The following INPP5D variants were observed in gnomAD, a reference collection of about 807,000 sequenced individuals.
INPP5D encodes the protein inositol polyphosphate-5-phosphatase D.
INPP5D carries 33 observed loss-of-function variants against 122.9 expected under a neutral mutation model. The ratio of observed to expected loss-of-function variants is 0.27; its 90% CI spans 0.20 to 0.36. The LOEUF is 0.36. INPP5D is among the 10% of genes least tolerant of loss of function. INPP5D has a pLI of 1.00. For missense variants in INPP5D, 1,053 were observed against 1,412.7 expected (o/e 0.75, Z 4.08); for synonymous variants, 584 against 576.2 (o/e 1.01, Z -0.19).
At chr2:233,093,934 GC>G (rs1173156538) in intron 2 of INPP5D, among the ~76,000 whole-genome samples, 1 of 152,012 alleles carries the variant, frequency 6.6e-6, no homozygotes, top group Non-Finnish European at 1.5e-5. Flanking sequence ...CCCTTCTTCT[GC>G]CTCCTGGCCC....
chr2:233,096,740 A>T (rs1278497956), intron 2 of INPP5D, among the ~76,000 whole-genome samples: 2 of 151,592 alleles, frequency 1.3e-5, no homozygotes, highest in Non-Finnish European at 2.9e-5. Flanking sequence ...TTCTTTTTCC[A>T]TTTTTTCCTT....
chr2:233,147,799 G>A (rs144125196), intron 9 of INPP5D, among the ~76,000 whole-genome samples: 3,351 of 152,192 alleles, frequency 0.022, 126 homozygotes, highest in African/African-American at 0.077. Context: ...TCAGTGCCGG[G>A]CACAAAGCCT....
intron 19 of INPP5D, among the ~76,000 whole-genome samples, 180 bp downstream of exon 19, chr2:233,182,679 T>G (rs898369891): frequency 6.6e-6 from 1 of 152,174 alleles, no homozygotes; most frequent in Non-Finnish European, 1.5e-5. Flanking sequence ...CCAGAGAATT[T>G]ACTTGCTCTG....
At chr2:233,182,347 A>G (rs1694804564) in intron 18 of INPP5D, 63 bp from the exon 19 acceptor site, 1 of 1,600,782 alleles carries the variant, frequency 6.2e-7, no homozygotes, top group Non-Finnish European at 8.5e-7. Flanking sequence ...TAGGGTTGCC[A>G]TCCTTGGCCT....
At chr2:233,086,571 C>A (rs894764073) in intron 2 of INPP5D, among the ~76,000 whole-genome samples, 1 of 152,024 alleles carries the variant, frequency 6.6e-6, no homozygotes, top group Non-Finnish European at 1.5e-5. Context: ...AGGTAGCTGG[C>A]GAGTGAGGCC....
chr2:233,165,227 G>C (rs948374111), intron 13 of INPP5D, among the ~76,000 whole-genome samples: 1 of 152,124 alleles, frequency 6.6e-6, no homozygotes, highest in Non-Finnish European at 1.5e-5. Flanking sequence ...ATGTGTGAGC[G>C]TACCACCCCA....
At chr2:233,175,217 CAAAAAAAAAAA>C (rs1220185296) in intron 17 of INPP5D, among the ~76,000 whole-genome samples, 1 of 68,616 alleles carries the variant, frequency 1.5e-5, no homozygotes, top group Admixed American at 2.1e-4. Context: ...GACTCCATCT[CAAAAAAAAAAA>C]AAAAAAAAAA....
intron 14 of INPP5D, 163 bp downstream of exon 14, chr2:233,169,564 G>A: frequency 9.2e-7 from 1 of 1,084,854 alleles, no homozygotes; most frequent in South Asian, 1.7e-5. Flanking sequence ...GGCAACTGCA[G>A]CACCATAGTG....
At chr2:233,111,358 A>G (rs1163612336) in intron 2 of INPP5D, among the ~76,000 whole-genome samples, 1 of 152,170 alleles carries the variant, frequency 6.6e-6, no homozygotes, top group Non-Finnish European at 1.5e-5. Flanking sequence ...TTATACACAC[A>G]CACACACGCA....
At chr2:233,081,932 A>G (rs1330950575) in intron 2 of INPP5D, among the ~76,000 whole-genome samples, 1 of 152,082 alleles carries the variant, frequency 6.6e-6, no homozygotes, top group East Asian at 1.9e-4. Context: ...TCTGTGTATG[A>G]ATCGGCTGTC....
intron 17 of INPP5D, among the ~76,000 whole-genome samples, chr2:233,173,520 T>G (rs780982621): frequency 2.6e-4 from 40 of 152,222 alleles, no homozygotes; most frequent in Non-Finnish European, 2.2e-4. Context: ...TAGCTTAAAA[T>G]ACAAACACAT....
chr2:233,113,776 C>G (rs1216844615), intron 2 of INPP5D, among the ~76,000 whole-genome samples: 1 of 152,248 alleles, frequency 6.6e-6, no homozygotes, highest in East Asian at 1.9e-4. Flanking sequence ...CTCCCTAATT[C>G]AAGCACTAGA....
rs756793738 is a variant in INPP5D at position 233,161,858 on chromosome 2, C to T, written c.1240+32C>T. The T allele has an allele frequency of 4.4e-6, 7 of 1,595,086 alleles. No homozygotes were observed. The South Asian group carries it at 7.9e-5, about 18-fold the overall frequency. ...CCGCGCGCCCCCTCCCTGCAGTCACCCCCTCTGCTTCTGCTTTCCTGACTC... is the reference window on the plus strand; with the variant it reads ...CCGCGCGCCCCCTCCCTGCAGTCACTCCCTCTGCTTCTGCTTTCCTGACTC... On this transcript the variant is annotated intron_variant, in intron 11 of 26. Coordinates refer to ENST00000445964, the MANE Select transcript of INPP5D (RefSeq NM_001017915.3).
intron 2 of INPP5D, among the ~76,000 whole-genome samples, chr2:233,119,107 C>T (rs574977150): frequency 6.6e-6 from 1 of 152,228 alleles, no homozygotes; most frequent in Non-Finnish European, 1.5e-5. Flanking sequence ...TGTGGTTCAG[C>T]TTCTTAGCAG....
At chr2:233,163,098 G>C (rs569459401) in intron 11 of INPP5D, among the ~76,000 whole-genome samples, 1 of 152,336 alleles carries the variant, frequency 6.6e-6, no homozygotes, top group East Asian at 1.9e-4. Context: ...GCACTTGTAA[G>C]GCAAGAAGCT....
At position 233,178,418 on chromosome 2, in the gene INPP5D, G is replaced by T. The variant is rs1694700321; in HGVS notation, c.2071+1072G>T. On this transcript the variant is annotated intron_variant, in intron 18 of 26. Transcript: ENST00000445964. ...AGACCTTAAAAATCCACAGAACAGA[G>T]TTGCTTTGAACACTTCACTGACTGA... is the stretch of plus-strand genomic sequence containing the variant. Among the ~76,000 whole-genome samples, 3 of 152,038 alleles carry T rather than the reference G, an allele frequency of 2.0e-5. No individual in the cohort carries two copies. The South Asian group carries it at 6.2e-4, about 31-fold the overall frequency.
chr2:233,135,830 A>G (rs910132952), intron 5 of INPP5D, among the ~76,000 whole-genome samples: 6 of 152,158 alleles, frequency 3.9e-5, no homozygotes, highest in Non-Finnish European at 8.8e-5. Flanking sequence ...ATTGTTTTTC[A>G]GAAATTTTAT....
At chr2:233,092,366 G>A (rs781522413) in intron 2 of INPP5D, among the ~76,000 whole-genome samples, 3 of 152,022 alleles carry the variant, frequency 2.0e-5, no homozygotes, top group Non-Finnish European at 4.4e-5. Context: ...GAGCGTCTCA[G>A]GGATATGTAA....
In INPP5D at chr2:233,170,960, C is replaced by A. The variant is rs1694480577; in HGVS notation, c.1901-104C>A. ...CTCCTCTTGGAGCCTTTCCAGCCATCCTTTCGTCCCCTTTCCCCTGATTTC... is the reference window on the plus strand; with the variant it reads ...CTCCTCTTGGAGCCTTTCCAGCCATACTTTCGTCCCCTTTCCCCTGATTTC... On this transcript the variant is annotated intron_variant, in intron 16 of 26. Coordinates refer to ENST00000445964, the MANE Select transcript of INPP5D (RefSeq NM_001017915.3). The surrounding 1 kb of genome is among the most constrained non-coding windows in gnomAD (Gnocchi z 4.5). 2.1e-6 allele frequency: 3 copies of A among 1,452,908 alleles called. No individual in the cohort carries two copies. In the Admixed American group the frequency reaches 6.5e-5, roughly 32 times the overall value. 90.0% of individuals were successfully genotyped at this position (1,452,908 alleles called of 1,614,324 possible).
Sources: allele counts gnomAD v4.1 joint callset (sites outside exome capture counted in the v4.1 genomes callset), GRCh38; gene constraint gnomAD v4.1.1; non-coding constraint Gnocchi (gnomAD v3.1); transcripts MANE v1.5; gene names NCBI Gene and HGNC (gene_info 2026-07-23, HGNC 2026-07-21).